Variants in ARHGAP18 observed in about 807,000 individuals in gnomAD.
ARHGAP18 encodes Rho GTPase activating protein 18.
ARHGAP18 carries 67 observed loss-of-function variants against 86.2 expected under a neutral mutation model. The ratio of observed to expected loss-of-function variants is 0.78; its 90% CI spans 0.64 to 0.95. The LOEUF (loss-of-function observed/expected upper bound fraction) is 0.95. Ranked by LOEUF, ARHGAP18 falls within the 40% of genes least tolerant of loss-of-function variation. The probability of loss-of-function intolerance (pLI) is 0.00; values close to 1 mark genes in which losing one functional copy is unlikely to be tolerated. For missense variants in ARHGAP18, 691 were observed against 780.4 expected (o/e 0.89, Z 1.37); for synonymous variants, 283 against 280.4 (o/e 1.01, Z -0.09).
intron 3 of ARHGAP18, 40 bp from the exon 4 acceptor site, chr6:129,634,145 A>C: frequency 1.3e-6 from 2 of 1,552,654 alleles, no homozygotes; most frequent in Non-Finnish European, 1.8e-6. Context: ...TCTCCAACTC[A>C]AAACCAGAGA....
intron 12 of ARHGAP18, among the ~76,000 whole-genome samples, chr6:129,587,233 C>G (rs1024192390): frequency 1.3e-5 from 2 of 152,044 alleles, no homozygotes; most frequent in African/African-American, 2.4e-5. Context: ...AGTTAAGGTG[C>G]CTCTATCCAC....
chr6:129,683,134 T>C (rs961071155), intron 1 of ARHGAP18, among the ~76,000 whole-genome samples: 1 of 151,632 alleles, frequency 6.6e-6, no homozygotes, highest in Non-Finnish European at 1.5e-5. Context: ...TGCAGTGGCG[T>C]GATCTCGGCT....
chr6:129,589,855 C>T (rs1289828847), intron 12 of ARHGAP18, among the ~76,000 whole-genome samples: 1 of 152,164 alleles, frequency 6.6e-6, no homozygotes. Flanking sequence ...AGTCCCAAAA[C>T]CTCAAAAGTG....
intron 1 of ARHGAP18, among the ~76,000 whole-genome samples, chr6:129,670,664 C>T (rs1774126025): frequency 6.6e-6 from 1 of 151,570 alleles, no homozygotes; most frequent in Admixed American, 6.6e-5. Context: ...TTCAGATTCA[C>T]CAAAAGTATG....
intron 13 of ARHGAP18, among the ~76,000 whole-genome samples, chr6:129,581,744 C>T (rs746329254): frequency 3.3e-5 from 5 of 151,990 alleles, no homozygotes; most frequent in Admixed American, 1.3e-4. Context: ...CTTCAGTTGA[C>T]GAGGTGGGGG....
At chr6:129,640,755 G>A (rs1312231160) in intron 2 of ARHGAP18, among the ~76,000 whole-genome samples, 1 of 152,126 alleles carries the variant, frequency 6.6e-6, no homozygotes, top group Non-Finnish European at 1.5e-5. Flanking sequence ...GTCTCTATTA[G>A]TGGATCACAA....
intron 4 of ARHGAP18, among the ~76,000 whole-genome samples, chr6:129,630,088 G>A (rs1773168874): frequency 6.6e-6 from 1 of 152,140 alleles, no homozygotes; most frequent in African/African-American, 2.4e-5. Flanking sequence ...AGTCAGGTCA[G>A]GACGTACCTG....
In ARHGAP18 at chr6:129,650,428, CAT is replaced by C. The variant is rs1773685541; in HGVS notation, c.114-8412_114-8411del. Among the ~76,000 whole-genome samples the C allele has an allele frequency of 2.0e-5, 3 of 152,136 alleles. No homozygotes were observed. The South Asian group carries it at 6.2e-4, about 32-fold the overall frequency. On this transcript the variant is annotated intron_variant, in intron 1 of 14. Coordinates refer to ENST00000368149, the MANE Select transcript of ARHGAP18 (RefSeq NM_033515.3). Reference sequence around the variant, plus strand: ...AAATAGTAGACTATCACTGGCCAGACATAGGTTTCTTGCTTTAGAGCTCTGGT... The same window carrying C: ...AAATAGTAGACTATCACTGGCCAGACAGGTTTCTTGCTTTAGAGCTCTGGT...
chr6:129,682,476 C>T (rs535182912), intron 1 of ARHGAP18, among the ~76,000 whole-genome samples: 9 of 152,322 alleles, frequency 5.9e-5, no homozygotes, highest in Non-Finnish European at 1.3e-4. Context: ...ATAGCTGTCA[C>T]CCACACAGGA....
At chr6:129,706,962 C>T (rs920562740) in intron 1 of ARHGAP18, among the ~76,000 whole-genome samples, 4 of 150,196 alleles carry the variant, frequency 2.7e-5, no homozygotes, top group Non-Finnish European at 5.9e-5. Context: ...CGCAGTGGCT[C>T]ATGCCTGTAA....
rs965858485 is a variant in ARHGAP18 at position 129,587,916 on chromosome 6, G to C, written c.1714-3804C>G. Among the ~76,000 whole-genome samples the C allele has an allele frequency of 2.0e-5, 3 of 152,174 alleles. No homozygotes were observed. In the East Asian group the frequency reaches 5.8e-4, roughly 29 times the overall value. On this transcript the variant is annotated intron_variant, in intron 12 of 14. Transcript: ENST00000368149. ...AACTCATTCCAGCATTTACCCAAAA[G>C]TCCAAGTCCAAGGCCTCATCTGAGA...
intron 1 of ARHGAP18, among the ~76,000 whole-genome samples, chr6:129,705,315 CAGT>C (rs1026372012): frequency 6.6e-6 from 1 of 152,096 alleles, no homozygotes; most frequent in African/African-American, 2.4e-5. Flanking sequence ...GCATGCTGGG[CAGT>C]AGTAGTTCTT....
intron 1 of ARHGAP18, among the ~76,000 whole-genome samples, chr6:129,700,312 AGAT>A (rs140349223): frequency 0.022 from 3,345 of 152,308 alleles, 83 homozygotes; most frequent in Admixed American, 0.062. Flanking sequence ...GCTCTACACT[AGAT>A]GATTTTCCAT....
chr6:129,667,507 TG>T (rs1330447976), intron 1 of ARHGAP18, among the ~76,000 whole-genome samples: 15 of 80,998 alleles, frequency 1.9e-4, no homozygotes, highest in Non-Finnish European at 2.5e-4. Flanking sequence ...GTGTGTGTGT[TG>T]TGTATGTGGA....
rs1773261447 is a variant in ARHGAP18, at chr6:129,633,442, A to G, written c.616+600T>C. Among the ~76,000 whole-genome samples, 2 of 151,670 alleles carry G rather than the reference A, an allele frequency of 1.3e-5. 1 individual carries two copies. Among genetic ancestry groups the G allele is most frequent in the Non-Finnish European group, 2.9e-5 (2 of 67,910 alleles). On this transcript the variant is annotated intron_variant, in intron 4 of 14. Coordinates refer to ENST00000368149, the MANE Select transcript of ARHGAP18 (RefSeq NM_033515.3). ...AGAGCAAGACTCCACCTCAAAAAAA[A>G]AAAAAAAAAAGTTACTTTCTTCCAT... is the stretch of plus-strand genomic sequence containing the variant.
chr6:129,580,411 C>T (rs1788264268), intron 13 of ARHGAP18, among the ~76,000 whole-genome samples: 1 of 152,186 alleles, frequency 6.6e-6, no homozygotes, highest in Non-Finnish European at 1.5e-5. Flanking sequence ...GTTAATGTAA[C>T]ATTTCCGCTG....
chr6:129,646,412 G>A (rs1306016449), intron 1 of ARHGAP18, among the ~76,000 whole-genome samples: 1 of 152,106 alleles, frequency 6.6e-6, no homozygotes, highest in Middle Eastern at 3.2e-3. Flanking sequence ...AGGTCTAGAG[G>A]AATCACATAT....
intron 11 of ARHGAP18, 62 bp downstream of exon 11, chr6:129,600,580 A>G: frequency 1.0e-5 from 14 of 1,359,160 alleles, no homozygotes; most frequent in Non-Finnish European, 1.4e-5. Flanking sequence ...TAATAAAGCT[A>G]ATAACAAACA....
At position 129,635,378 on chromosome 6, in the gene ARHGAP18, G is replaced by A. The variant is rs545184591; in HGVS notation, c.553-1273C>T. 7.2e-5 allele frequency among the ~76,000 whole-genome samples: 11 copies of A among 152,270 alleles called. No homozygotes were observed. The South Asian group carries it at 2.3e-3, about 32-fold the overall frequency. On this transcript the variant is annotated intron_variant, in intron 3 of 14. Transcript: ENST00000368149. ...TTAGAGATGGGGAAAACCCAGGAAA[G>A]TGTTACAGTGACTACCAAGTCACAG...
Sources: allele counts gnomAD v4.1 joint callset (sites outside exome capture counted in the v4.1 genomes callset), GRCh38; gene constraint gnomAD v4.1.1; transcripts MANE v1.5; gene names NCBI Gene and HGNC (gene_info 2026-07-23, HGNC 2026-07-21).